SOX6: variants seen among roughly 807,000 people sequenced by gnomAD.
SOX6 encodes transcription factor SOX-6.
In SOX6, 11 loss-of-function variants were observed where a neutral mutation model predicts 97.8. That is an observed-to-expected ratio of 0.11 (90% CI 0.07 to 0.19). The LOEUF is 0.19. Ranked by LOEUF, SOX6 falls within the 10% of genes least tolerant of loss-of-function variation. SOX6 has a pLI of 1.00. For missense variants in SOX6, 810 were observed against 1,039.5 expected (o/e 0.78, Z 3.04); for synonymous variants, 360 against 371.4 (o/e 0.97, Z 0.35).
chr11:16,623,798 G>A (rs1848582251), intron 3 of SOX6, among the ~76,000 whole-genome samples: 1 of 152,142 alleles, frequency 6.6e-6, no homozygotes, highest in South Asian at 2.1e-4. Flanking sequence ...AGTTATCCCA[G>A]CACCAATTGT....
chr11:16,522,694 T>C (rs540477959), intron 4 of SOX6, among the ~76,000 whole-genome samples: 1 of 152,246 alleles, frequency 6.6e-6, no homozygotes, highest in Non-Finnish European at 1.5e-5. Flanking sequence ...GCAAGTTGGA[T>C]AAAGAGTCAA....
chr11:16,484,038 G>T (rs1199078740), intron 4 of SOX6: 10 of 790,188 alleles, frequency 1.3e-5, no homozygotes, highest in African/African-American at 6.8e-5. Flanking sequence ...GGGCCTGTCG[G>T]GAGAGCCGAG....
chr11:16,287,296 T>TCACACACACA (rs1338178758), intron 3 of SOX6, among the ~76,000 whole-genome samples: 12 of 120,102 alleles, frequency 1.0e-4, no homozygotes, highest in African/African-American at 3.9e-4. Context: ...TCTCTCTCTC[T>TCACACACACA]CTCACACACA....
intron 3 of SOX6, among the ~76,000 whole-genome samples, chr11:16,692,299 C>T (rs1323975855): frequency 6.6e-6 from 1 of 152,128 alleles, no homozygotes; most frequent in African/African-American, 2.4e-5. Flanking sequence ...ATCCACCCAC[C>T]TCGGCCTTCC....
chr11:16,572,657 C>T (rs1366093243), intron 4 of SOX6, among the ~76,000 whole-genome samples: 2 of 152,098 alleles, frequency 1.3e-5, no homozygotes, highest in South Asian at 2.1e-4. Context: ...GTAGTTTGAT[C>T]CTTTTAACTA....
intron 4 of SOX6, among the ~76,000 whole-genome samples, chr11:16,497,263 G>A (rs1429250795): frequency 6.6e-6 from 1 of 152,106 alleles, no homozygotes; most frequent in East Asian, 1.9e-4. Context: ...GGTCCTAACT[G>A]TTAGAAGGAA....
chr11:16,173,990 T>C (rs990745870), intron 6 of SOX6, among the ~76,000 whole-genome samples: 3 of 150,890 alleles, frequency 2.0e-5, no homozygotes, highest in African/African-American at 7.3e-5. Flanking sequence ...GGACTACAGA[T>C]GCATGCCATC....
chr11:16,545,347 A>C lies in SOX6; in HGVS notation n.609+66734T>G, dbSNP rs562063673. Among the ~76,000 whole-genome samples, 183 of 149,812 alleles carry C rather than the reference A, an allele frequency of 1.2e-3. No homozygotes were observed. In the Middle Eastern group the frequency reaches 0.014, roughly 11 times the overall value. On this transcript the variant is annotated intron_variant and non_coding_transcript_variant, in intron 4 of 5. Coordinates refer to the SOX6 transcript ENST00000524520. ...TTAACAAAGTAAAGTCCAAGCCCAA[A>C]AAAAAAAAAAAAGAACCCACATCTC...
intron 1 of SOX6, among the ~76,000 whole-genome samples, chr11:16,377,679 T>A (rs1003716522): frequency 6.6e-6 from 1 of 152,216 alleles, no homozygotes; most frequent in African/African-American, 2.4e-5. Context: ...TGCCCAAGCA[T>A]GGAGAATAAC....
chr11:16,466,533 A>G (rs1177415627), intron 1 of SOX6, among the ~76,000 whole-genome samples: 1 of 152,078 alleles, frequency 6.6e-6, no homozygotes. Context: ...GAGTAAACAG[A>G]CAATCTACAG....
intron 4 of SOX6, among the ~76,000 whole-genome samples, chr11:16,564,226 C>T (rs1847843913): frequency 1.3e-5 from 2 of 152,236 alleles, no homozygotes; most frequent in African/African-American, 4.8e-5. Context: ...TTTCCTTCTC[C>T]TCCTGAATTT....
chr11:16,034,249 G>A (rs910286963), intron 12 of SOX6, among the ~76,000 whole-genome samples: 3 of 152,148 alleles, frequency 2.0e-5, no homozygotes, highest in African/African-American at 7.2e-5. Flanking sequence ...CAACCTAGAA[G>A]ATATGAGAAC....
In SOX6 at chr11:16,099,694, T is replaced by C. The variant is rs76043182; in HGVS notation, c.899-2006A>G. 8.3e-3 allele frequency among the ~76,000 whole-genome samples: 1,264 copies of C among 151,504 alleles called. 20 individuals carry two copies. Among genetic ancestry groups the C allele is most frequent in the African/African-American group, 0.029 (1,180 of 41,332 alleles). On this transcript the variant is annotated intron_variant, in intron 7 of 15. Transcript: ENST00000683767. ...TTTTTTCATAGCTGTCATGCTTCTG[T>C]GCTATGAAATAGCTTTTTTTTTTTT...
chr11:16,180,499 T>C (rs978322878), intron 6 of SOX6, among the ~76,000 whole-genome samples: 1 of 151,666 alleles, frequency 6.6e-6, no homozygotes, highest in Non-Finnish European at 1.5e-5. Flanking sequence ...AAAATATCTA[T>C]TTTTTTCCTG....
At chr11:16,454,844 A>C (rs1282665410) in intron 1 of SOX6, among the ~76,000 whole-genome samples, 1 of 152,132 alleles carries the variant, frequency 6.6e-6, no homozygotes, top group Non-Finnish European at 1.5e-5. Context: ...CCAATCTGCT[A>C]TTTAAAACAT....
intron 1 of SOX6, among the ~76,000 whole-genome samples, chr11:16,377,438 AC>A (rs1857672431): frequency 6.6e-6 from 1 of 152,146 alleles, no homozygotes; most frequent in Non-Finnish European, 1.5e-5. Flanking sequence ...CATGCTAGGT[AC>A]CACTGAAAAT....
intron 6 of SOX6, among the ~76,000 whole-genome samples, chr11:16,120,525 T>C (rs1849462309): frequency 1.3e-5 from 2 of 150,952 alleles, no homozygotes; most frequent in South Asian, 4.2e-4. Context: ...CAAAGTCATA[T>C]GTTTTAGTTA....
At chr11:16,271,731 G>A (rs72869927) in intron 3 of SOX6, among the ~76,000 whole-genome samples, 2,061 of 151,092 alleles carry the variant, frequency 0.014, 18 homozygotes, top group Non-Finnish European at 0.022. Flanking sequence ...AATATTTTGC[G>A]TGTTTATGTT....
At chr11:16,230,017 T>G (rs552314942) in intron 4 of SOX6, among the ~76,000 whole-genome samples, 1 of 151,958 alleles carries the variant, frequency 6.6e-6, no homozygotes, top group East Asian at 1.9e-4. Context: ...AATAAAATGA[T>G]GCAGTACATT....
Sources: gnomAD v4.1 joint callset for allele counts (sites outside exome capture counted in the v4.1 genomes callset) on GRCh38, gnomAD v4.1.1 for gene constraint, MANE v1.5 for transcripts, NCBI Gene and HGNC (gene_info 2026-07-23, HGNC 2026-07-21) for gene names.